SUPT3H: variants seen among roughly 807,000 people sequenced by gnomAD.
SUPT3H encodes transcription initiation protein SPT3 homolog.
In SUPT3H, 44 loss-of-function variants were observed where a neutral mutation model predicts 44.3. That is an observed-to-expected ratio of 0.99 (90% CI 0.78 to 1.28). The LOEUF (loss-of-function observed/expected upper bound fraction) is 1.28, where lower values mean the gene tolerates loss of function less well. Ranked by LOEUF, SUPT3H falls within the 50% of genes most tolerant of loss-of-function variation. The pLI is 0.00. For missense variants in SUPT3H, 380 were observed against 387.1 expected (o/e 0.98, Z 0.15); for synonymous variants, 124 against 125.6 (o/e 0.99, Z 0.09).
At chr6:44,990,948 T>C (rs1198471324) in intron 6 of SUPT3H, among the ~76,000 whole-genome samples, 1 of 151,900 alleles carries the variant, frequency 6.6e-6, no homozygotes, top group Non-Finnish European at 1.5e-5. Context: ...ATGAAAACAA[T>C]TACCCAGTGA....
chr6:44,811,914 A>C (rs570667343), intron 11 of SUPT3H, among the ~76,000 whole-genome samples: 1 of 143,494 alleles, frequency 7.0e-6, no homozygotes, highest in African/African-American at 2.6e-5. Context: ...TCACTTTCCT[A>C]GTTCTTCTCA....
chr6:44,885,816 C>T (rs938182510), intron 10 of SUPT3H, among the ~76,000 whole-genome samples: 2 of 152,094 alleles, frequency 1.3e-5, no homozygotes, highest in Admixed American at 6.6e-5. Flanking sequence ...TCAAACTACT[C>T]CGAGCTACAG....
intron 3 of SUPT3H, among the ~76,000 whole-genome samples, chr6:45,069,640 A>G (rs9472433): frequency 0.18 from 27,133 of 151,962 alleles, 3,868 homozygotes; most frequent in African/African-American, 0.4. Context: ...GAGTTTTAAA[A>G]GATTAACTGC....
chr6:45,143,486 A>G (rs1488871258), intron 2 of SUPT3H, among the ~76,000 whole-genome samples: 1 of 152,180 alleles, frequency 6.6e-6, no homozygotes, highest in Non-Finnish European at 1.5e-5. Flanking sequence ...AGATAAAAAA[A>G]TTAAAAATTC....
At chr6:44,835,582 A>T (rs1769718122) in intron 10 of SUPT3H, among the ~76,000 whole-genome samples, 1 of 152,168 alleles carries the variant, frequency 6.6e-6, no homozygotes, top group Middle Eastern at 3.2e-3. Flanking sequence ...GGGAGGTAGT[A>T]GAATAAACTA....
intron 10 of SUPT3H, among the ~76,000 whole-genome samples, chr6:44,833,164 C>T (rs1769176941): frequency 6.6e-6 from 1 of 152,130 alleles, no homozygotes; most frequent in African/African-American, 2.4e-5. Context: ...TGATTCTCTT[C>T]TGCTTTCTCA....
intron 3 of SUPT3H, among the ~76,000 whole-genome samples, chr6:45,042,551 G>A (rs1012507753): frequency 6.6e-6 from 1 of 152,156 alleles, no homozygotes; most frequent in South Asian, 2.1e-4. Context: ...GGGAAAATTA[G>A]TTGTTGTTTT....
intron 2 of SUPT3H, among the ~76,000 whole-genome samples, chr6:45,308,980 A>G (rs142766174): frequency 4.7e-4 from 69 of 146,442 alleles, no homozygotes; most frequent in East Asian, 7.9e-4. Context: ...AAATATTTGG[A>G]AAAAAAAAAG....
chr6:44,891,849 A>G (rs1215949521), intron 10 of SUPT3H, among the ~76,000 whole-genome samples: 1 of 152,138 alleles, frequency 6.6e-6, no homozygotes. Context: ...GACCAAAAAA[A>G]AAAGACAAAT....
chr6:44,895,881 T>A (rs1008271098), intron 10 of SUPT3H, among the ~76,000 whole-genome samples: 2 of 151,484 alleles, frequency 1.3e-5, no homozygotes, highest in Non-Finnish European at 2.9e-5. Context: ...ATAACTAAAG[T>A]AGGGTAAAAA....
intron 3 of SUPT3H, among the ~76,000 whole-genome samples, chr6:45,046,611 G>A (rs139233346): frequency 3.0e-4 from 45 of 152,286 alleles, no homozygotes; most frequent in African/African-American, 6.0e-4. Context: ...GATTACAGGC[G>A]TGAGCCACCG....
Position 44,811,088 on chromosome 6 carries a change from G to A in SUPT3H, c.*53-1587C>T, listed in dbSNP as rs181266627. Among the ~76,000 whole-genome samples the A allele has an allele frequency of 6.6e-5, 10 of 152,148 alleles. No individual in the cohort carries two copies. In the East Asian group the frequency reaches 1.7e-3, roughly 26 times the overall value. ...ATTTCCTAAAGCCCATACTTGATTC[G>A]GATTTCCTTAGTTTTTATCCATTGT... On this transcript the variant is annotated intron_variant and NMD_transcript_variant, in intron 11 of 11. Coordinates refer to the SUPT3H transcript ENST00000475057.
intron 2 of SUPT3H, chr6:45,159,423 G>A (rs1808569703): frequency 6.6e-6 from 1 of 152,160 alleles, no homozygotes; most frequent in African/African-American, 2.4e-5. Flanking sequence ...CTCAGGCACA[G>A]ATCAAAATAG....
At chr6:45,116,631 T>C (rs898159612) in intron 2 of SUPT3H, among the ~76,000 whole-genome samples, 3 of 152,164 alleles carry the variant, frequency 2.0e-5, no homozygotes, top group Non-Finnish European at 4.4e-5. Context: ...TCCTTTTACA[T>C]GACAGGTCTT....
chr6:44,902,158 A>T (rs1387615995), intron 10 of SUPT3H, among the ~76,000 whole-genome samples: 3 of 152,232 alleles, frequency 2.0e-5, no homozygotes, highest in Admixed American at 6.5e-5. Context: ...GACATGATGA[A>T]ATTCACACAT....
chr6:45,308,081 G>C (rs999342754), intron 2 of SUPT3H, among the ~76,000 whole-genome samples: 2 of 152,092 alleles, frequency 1.3e-5, no homozygotes, highest in African/African-American at 4.8e-5. Context: ...AGAAACAAAA[G>C]CAAAGCCTCC....
intron 2 of SUPT3H, among the ~76,000 whole-genome samples, chr6:45,244,029 G>A (rs945651323): frequency 6.6e-6 from 1 of 152,146 alleles, no homozygotes; most frequent in East Asian, 1.9e-4. Context: ...AGACAGGCAT[G>A]TGCCACCACA....
intron 2 of SUPT3H, among the ~76,000 whole-genome samples, chr6:45,194,601 C>T (rs1211728247): frequency 1.3e-5 from 2 of 151,958 alleles, no homozygotes; most frequent in Non-Finnish European, 2.9e-5. Flanking sequence ...GCACATGCTG[C>T]AAAACATTTT....
intron 2 of SUPT3H, among the ~76,000 whole-genome samples, chr6:45,217,479 AT>A (rs1471568695): frequency 1.7e-3 from 71 of 41,630 alleles, no homozygotes; most frequent in African/African-American, 5.3e-3. Flanking sequence ...CGCCTCAAAA[AT>A]AAAATAAAAT....
Sources: allele counts gnomAD v4.1 joint callset (sites outside exome capture counted in the v4.1 genomes callset), GRCh38; gene constraint gnomAD v4.1.1; transcripts MANE v1.5; gene names NCBI Gene and HGNC (gene_info 2026-07-23, HGNC 2026-07-21).